JAK1: variants seen among roughly 807,000 people sequenced by gnomAD.
JAK1 encodes Janus kinase 1.
A neutral mutation model predicts 136.6 loss-of-function variants in JAK1; 16 were observed. The ratio of observed to expected loss-of-function variants is 0.12; its 90% CI spans 0.08 to 0.18. JAK1 has a LOEUF of 0.18. Ranked by LOEUF, JAK1 falls within the 10% of genes least tolerant of loss-of-function variation. The pLI, the probability that JAK1 is intolerant of heterozygous loss-of-function variation, is 1.00. For missense variants in JAK1, 859 were observed against 1,450.1 expected, an observed-to-expected ratio of 0.59 and a Z score of 6.62; for synonymous variants, 492 against 519.5, an observed-to-expected ratio of 0.95 and a Z score of 0.72.
intron 2 of JAK1, among the ~76,000 whole-genome samples, chr1:65,024,183 A>G (rs1011227761): frequency 5.3e-5 from 8 of 152,118 alleles, no homozygotes; most frequent in Admixed American, 2.6e-4. Context: ...GACCTGCCAG[A>G]CTGTTTTCCA....
intron 2 of JAK1, among the ~76,000 whole-genome samples, chr1:65,021,353 T>C (rs1221169673): frequency 6.6e-6 from 1 of 152,232 alleles, no homozygotes; most frequent in Non-Finnish European, 1.5e-5. Context: ...AAGGCGTACA[T>C]TGGTACTCAA....
chr1:64,861,425 T>C (rs1284150845), intron 8 of JAK1, among the ~76,000 whole-genome samples: 1 of 152,004 alleles, frequency 6.6e-6, no homozygotes, highest in Non-Finnish European at 1.5e-5. Context: ...ACCTGTGTTG[T>C]AGATTTGGGG....
At chr1:64,911,817 C>CA (rs1645290607) in intron 1 of JAK1, among the ~76,000 whole-genome samples, 3 of 152,188 alleles carry the variant, frequency 2.0e-5, no homozygotes, top group Non-Finnish European at 4.4e-5. Flanking sequence ...ACATTTCTAA[C>CA]AGGACTTTGT....
At chr1:64,853,502 T>C (rs1190143443) in intron 11 of JAK1, among the ~76,000 whole-genome samples, 1 of 152,148 alleles carries the variant, frequency 6.6e-6, no homozygotes, top group Non-Finnish European at 1.5e-5. Flanking sequence ...CTAAATGACT[T>C]AAAACATGAA....
chr1:65,060,811 A>G (rs1186479144), intron 1 of JAK1, among the ~76,000 whole-genome samples: 1 of 152,202 alleles, frequency 6.6e-6, no homozygotes, highest in Non-Finnish European at 1.5e-5. Context: ...ATAAACGTGC[A>G]TTTTTGAAAA....
At chr1:65,018,487 A>AACAC (rs556710090) in intron 2 of JAK1, among the ~76,000 whole-genome samples, 117 of 96,046 alleles carry the variant, frequency 1.2e-3, no homozygotes, top group South Asian at 5.8e-3. Context: ...AGAGAGAGAG[A>AACAC]ACACACACAC....
Position 64,849,798 on chromosome 1 carries a change from A to G in JAK1, c.1755+1006T>C, listed in dbSNP as rs576499491. 3.7e-4 allele frequency among the ~76,000 whole-genome samples: 57 copies of G among 152,350 alleles called. 1 individual carries two copies. The South Asian group carries it at 0.011, about 30-fold the overall frequency. ...ACAGACTATGTCAAGTTCTACACAGAAAAGAGGCTATGAAACTGTGGCTCT... is the reference window on the plus strand; with the variant it reads ...ACAGACTATGTCAAGTTCTACACAGGAAAGAGGCTATGAAACTGTGGCTCT... On this transcript the variant is annotated intron_variant, in intron 12 of 24. Transcript: ENST00000342505.
intron 2 of JAK1, among the ~76,000 whole-genome samples, chr1:64,989,002 G>GTATATATATATA (rs57569640): frequency 1.1e-3 from 144 of 129,200 alleles, no homozygotes; most frequent in Non-Finnish European, 1.9e-3. Context: ...GTGTGTGTGT[G>GTATATATATATA]TATATATATA....
At chr1:65,028,481 A>AGGG (rs2100808362) in intron 2 of JAK1, among the ~76,000 whole-genome samples, 1 of 122,174 alleles carries the variant, frequency 8.2e-6, no homozygotes, top group East Asian at 3.3e-4. Flanking sequence ...GAAAGGAAGG[A>AGGG]AGGGAGGGAG....
chr1:65,062,017 A>G (rs1305067651), intron 1 of JAK1, among the ~76,000 whole-genome samples: 2 of 152,150 alleles, frequency 1.3e-5, no homozygotes, highest in African/African-American at 2.4e-5. Flanking sequence ...ATCTCATGCT[A>G]TGTAACTTTA....
At chr1:64,902,008 T>C (rs919964991) in intron 1 of JAK1, among the ~76,000 whole-genome samples, 1 of 152,182 alleles carries the variant, frequency 6.6e-6, no homozygotes, top group African/African-American at 2.4e-5. Flanking sequence ...TTAAATATTA[T>C]TTTAGAGAAA....
chr1:65,028,819 G>A (rs1646999803), intron 2 of JAK1, among the ~76,000 whole-genome samples: 1 of 152,100 alleles, frequency 6.6e-6, no homozygotes, highest in Admixed American at 6.5e-5. Flanking sequence ...AGGAGGGTGA[G>A]GCCCAAATAA....
At chr1:64,952,204 T>C (rs1289004967) in intron 1 of JAK1, among the ~76,000 whole-genome samples, 1 of 151,290 alleles carries the variant, frequency 6.6e-6, no homozygotes, top group African/African-American at 2.4e-5. Flanking sequence ...GAAAGCAGAG[T>C]GTAGGTTCAT....
chr1:64,915,828 A>G (rs1210451371), intron 1 of JAK1, among the ~76,000 whole-genome samples: 1 of 152,212 alleles, frequency 6.6e-6, no homozygotes, highest in East Asian at 1.9e-4. Context: ...CAGGTGAAGC[A>G]TGGGAACCTC....
chr1:65,040,407 G>A (rs1013387662), intron 2 of JAK1, among the ~76,000 whole-genome samples: 2 of 151,932 alleles, frequency 1.3e-5, no homozygotes, highest in African/African-American at 4.8e-5. Context: ...CATCTTCTCC[G>A]ACTCTCCTGC....
In JAK1 at chr1:64,960,178, T is replaced by C. The variant is rs565250172; in HGVS notation, c.-78+6155A>G. Among the ~76,000 whole-genome samples the C allele has an allele frequency of 9.2e-5, 14 of 152,312 alleles. No homozygotes were observed. In the South Asian group the frequency reaches 1.7e-3, roughly 18 times the overall value. ...AGAAGGTCAACGCTGACTTGAGTTATGACCACACCACTGCACTTCAGCCTG... is the reference window on the plus strand; with the variant it reads ...AGAAGGTCAACGCTGACTTGAGTTACGACCACACCACTGCACTTCAGCCTG... On this transcript the variant is annotated intron_variant, in intron 1 of 24. Transcript: ENST00000342505.
intron 1 of JAK1, among the ~76,000 whole-genome samples, chr1:64,898,778 T>C (rs1442635675): frequency 3.9e-5 from 6 of 152,210 alleles, no homozygotes; most frequent in South Asian, 2.1e-4. Context: ...AGCTCTCTGA[T>C]GTATGTCCAG....
At chr1:65,041,575 T>C (rs912545098) in intron 2 of JAK1, among the ~76,000 whole-genome samples, 1 of 152,160 alleles carries the variant, frequency 6.6e-6, no homozygotes, top group African/African-American at 2.4e-5. Context: ...ACAGAAGCGA[T>C]CATCTGATTC....
At chr1:64,861,720 T>C (rs1030301988) in intron 8 of JAK1, among the ~76,000 whole-genome samples, 5 of 152,120 alleles carry the variant, frequency 3.3e-5, no homozygotes, top group African/African-American at 1.2e-4. Context: ...AGGGGCCTAG[T>C]GCAGCTGTAA....
Sources: allele counts gnomAD v4.1 joint callset (sites outside exome capture counted in the v4.1 genomes callset), GRCh38; gene constraint gnomAD v4.1.1; transcripts MANE v1.5; gene names NCBI Gene and HGNC (gene_info 2026-07-23, HGNC 2026-07-21).